Variants in NRXN3 observed in about 807,000 individuals in gnomAD.
The protein encoded by NRXN3 is neurexin 3.
In NRXN3, 32 loss-of-function variants were observed where a neutral mutation model predicts 137.6. That is an observed-to-expected ratio of 0.23 (90% confidence interval 0.18 to 0.31). The LOEUF (loss-of-function observed/expected upper bound fraction) is 0.31, where lower values mean the gene tolerates loss of function less well. Ranked by LOEUF, NRXN3 falls within the 10% of genes least tolerant of loss-of-function variation. NRXN3 has a pLI of 1.00. For missense variants in NRXN3, 1,574 were observed against 2,062.5 expected (o/e 0.76, Z 4.59); for synonymous variants, 798 against 784.5 (o/e 1.02, Z -0.29).
chr14:78,578,538 G>A (rs2096959756), intron 4 of NRXN3, among the ~76,000 whole-genome samples: 2 of 152,146 alleles, frequency 1.3e-5, no homozygotes. Context: ...TCACCTGAAT[G>A]CTCTTTCAAG....
chr14:78,510,767 T>G (rs1229530268), intron 4 of NRXN3, among the ~76,000 whole-genome samples: 1 of 152,162 alleles, frequency 6.6e-6, no homozygotes, highest in African/African-American at 2.4e-5. Flanking sequence ...TTCATGGAAA[T>G]TCTTTGAGAT....
intron 17 of NRXN3, among the ~76,000 whole-genome samples, chr14:79,671,449 A>G (rs1488695588): frequency 6.6e-6 from 1 of 152,078 alleles, no homozygotes; most frequent in African/African-American, 2.4e-5. Flanking sequence ...TTCCTTGGGC[A>G]TCTATACATA....
chr14:78,642,278 T>C (rs115816675), intron 4 of NRXN3, among the ~76,000 whole-genome samples: 1,593 of 152,318 alleles, frequency 0.01, 33 homozygotes, highest in African/African-American at 0.037. Flanking sequence ...TAGTCATCAA[T>C]TTCTTCCTTA....
chr14:79,681,909 A>T (rs1477171783), intron 17 of NRXN3, among the ~76,000 whole-genome samples: 1 of 152,132 alleles, frequency 6.6e-6, no homozygotes, highest in East Asian at 1.9e-4. Flanking sequence ...TTTCTTTAGG[A>T]CATGGCTTTT....
chr14:79,605,295 T>C (rs1567639161), intron 16 of NRXN3, among the ~76,000 whole-genome samples: 1 of 152,296 alleles, frequency 6.6e-6, no homozygotes, highest in Middle Eastern at 3.4e-3. Context: ...CCTGGGCCTA[T>C]GTCAGGTTGA....
At chr14:78,536,061 T>C (rs1388393334) in intron 4 of NRXN3, among the ~76,000 whole-genome samples, 1 of 152,210 alleles carries the variant, frequency 6.6e-6, no homozygotes, top group East Asian at 1.9e-4. Context: ...TTTCGTGGCA[T>C]GACAGTTGTG....
At chr14:79,327,604 C>T (rs534571652) in intron 15 of NRXN3, among the ~76,000 whole-genome samples, 1 of 152,296 alleles carries the variant, frequency 6.6e-6, no homozygotes, top group East Asian at 1.9e-4. Context: ...CACCCTTCTC[C>T]TCAGTGCAGT....
intron 10 of NRXN3, among the ~76,000 whole-genome samples, chr14:78,861,731 C>G (rs974428797): frequency 2.0e-5 from 3 of 152,060 alleles, no homozygotes; most frequent in Admixed American, 6.6e-5. Context: ...TCTGTAATAA[C>G]AATTCTATTA....
chr14:79,203,495 A>G (rs2066364978), intron 15 of NRXN3, among the ~76,000 whole-genome samples: 1 of 152,148 alleles, frequency 6.6e-6, no homozygotes, highest in South Asian at 2.1e-4. Flanking sequence ...CCCCATCTAG[A>G]ATTTCTCAAA....
chr14:78,946,969 T>C (rs79585689), intron 10 of NRXN3, among the ~76,000 whole-genome samples: 10,661 of 152,268 alleles, frequency 0.07, 979 homozygotes, highest in East Asian at 0.37. Context: ...ACTATAAGGA[T>C]ATGATATTTC....
intron 1 of NRXN3, among the ~76,000 whole-genome samples, chr14:78,192,764 C>A (rs893645212): frequency 6.6e-6 from 1 of 152,166 alleles, no homozygotes; most frequent in Non-Finnish European, 1.5e-5. Flanking sequence ...CAGACTTCAA[C>A]GCAAAAACTG....
intron 16 of NRXN3, among the ~76,000 whole-genome samples, chr14:79,475,701 G>T (rs1600844877): frequency 6.6e-6 from 1 of 152,054 alleles, no homozygotes; most frequent in East Asian, 1.9e-4. Flanking sequence ...GGTACTCAAA[G>T]ATTTTTCTTC....
rs2058182434 is a variant in NRXN3 at position 79,135,988 on chromosome 14, A to T, written c.3262+147847A>T. Among the ~76,000 whole-genome samples the T allele has an allele frequency of 2.0e-5, 3 of 152,158 alleles. No individual in the cohort carries two copies. The South Asian group carries it at 6.2e-4, about 32-fold the overall frequency. ...TTTCTTCTTTTTCTCCTTTTTAAAA[A>T]TCAGGTAGTATCTGATTGACTTTGT... On this transcript the variant is annotated intron_variant, in intron 15 of 20. Coordinates refer to ENST00000335750, the MANE Select transcript of NRXN3 (RefSeq NM_001330195.2).
In NRXN3 at chr14:78,968,299, T is replaced by C. The variant is rs1567852726; in HGVS notation, c.3095T>C (p.Ile1032Thr). Residue 1032 changes from isoleucine (I) to threonine (T), a missense_variant, in exon 14 of 21, where the codon ATC becomes ACC. Physicochemically the swap from Ile to Thr is moderately conservative, Grantham distance 89. This residue lies in a region of NRXN3 where 718 missense variants were observed against 887.6 expected (regional missense o/e 0.81). Transcript: ENST00000335750. ...TTGAATGGACGCCTGCCAGACCTCA[T>C]CAATGATGCTCTTCATCGGAGCGGA... ...VDLNGRLPDL[I>T]NDALHRSGQI... The C allele has an allele frequency of 3.7e-6, 6 of 1,614,096 alleles. No homozygotes were observed. The highest frequency in any genetic ancestry group is 5.1e-6 in the Non-Finnish European group (6 of 1,179,988).
At chr14:79,763,388 ATAG>A (rs2099045296) in intron 19 of NRXN3, among the ~76,000 whole-genome samples, 1 of 68,140 alleles carries the variant, frequency 1.5e-5, no homozygotes, top group East Asian at 2.5e-4. Flanking sequence ...ATGTGTCTTT[ATAG>A]TAGAATGATT....
chr14:78,887,531 A>AT (rs1458606989), intron 10 of NRXN3, among the ~76,000 whole-genome samples: 7 of 152,134 alleles, frequency 4.6e-5, no homozygotes, highest in South Asian at 2.1e-4. Flanking sequence ...TGGATGCCTG[A>AT]TTTTTTTCCC....
In NRXN3 at chr14:79,659,252, T is replaced by C. The variant is rs1567803007; in HGVS notation, c.3445-4526T>C. On this transcript the variant is annotated intron_variant, in intron 16 of 20. Coordinates refer to ENST00000335750, the MANE Select transcript of NRXN3 (RefSeq NM_001330195.2). ...TTGGTAATGTCTTCTGATTTACCACTTGTTTTTGTTTTTAATATCAAGGAA... is the reference window on the plus strand; with the variant it reads ...TTGGTAATGTCTTCTGATTTACCACCTGTTTTTGTTTTTAATATCAAGGAA... 3.9e-5 allele frequency among the ~76,000 whole-genome samples: 6 copies of C among 152,234 alleles called. No individual in the cohort carries two copies. The South Asian group carries it at 1.2e-3, about 32-fold the overall frequency.
At chr14:79,233,746 C>G (rs2072699839) in intron 15 of NRXN3, among the ~76,000 whole-genome samples, 1 of 151,538 alleles carries the variant, frequency 6.6e-6, no homozygotes, top group African/African-American at 2.4e-5. Flanking sequence ...ATTTGGCAAG[C>G]TTTTCTAGAT....
intron 16 of NRXN3, among the ~76,000 whole-genome samples, chr14:79,627,337 T>C (rs1441559378): frequency 6.6e-6 from 1 of 152,132 alleles, no homozygotes; most frequent in Non-Finnish European, 1.5e-5. Context: ...CATAGACATC[T>C]TTGCTATTCT....
Sources: allele counts gnomAD v4.1 joint callset (sites outside exome capture counted in the v4.1 genomes callset), GRCh38; gene constraint gnomAD v4.1.1; regional missense constraint gnomAD v4.1.1; transcripts MANE v1.5; gene names NCBI Gene and HGNC (gene_info 2026-07-23, HGNC 2026-07-21).